Variants in GLI3 observed in about 807,000 individuals in gnomAD.
GLI3 encodes the protein GLI family zinc finger 3, also known as transcription activator GLI3.
In GLI3, 20 loss-of-function variants were observed where a neutral mutation model predicts 100.8. The ratio of observed to expected loss-of-function variants is 0.20; its 90% CI spans 0.14 to 0.29. The LOEUF (loss-of-function observed/expected upper bound fraction) is 0.29. Ranked by LOEUF, GLI3 falls within the 10% of genes least tolerant of loss-of-function variation. GLI3 has a pLI of 1.00. For synonymous variants in GLI3, 938 were observed against 860.5 expected, an observed-to-expected ratio of 1.09 and a Z score of -1.58; for missense variants, 2,040 against 2,128.5, an observed-to-expected ratio of 0.96 and a Z score of 0.82.
chr7:42,038,512 C>G (rs1459474810), intron 7 of GLI3, among the ~76,000 whole-genome samples: 1 of 152,182 alleles, frequency 6.6e-6, no homozygotes, highest in Non-Finnish European at 1.5e-5. Flanking sequence ...GGTGGCAAAG[C>G]TGGAATCTGA....
At chr7:42,165,820 T>A (rs1787229214) in intron 2 of GLI3, among the ~76,000 whole-genome samples, 1 of 152,198 alleles carries the variant, frequency 6.6e-6, no homozygotes, top group Admixed American at 6.5e-5. Context: ...TAGAATCTAG[T>A]CTTGCAAACA....
At position 41,972,083 on chromosome 7, in the gene GLI3, T is replaced by A. The variant is rs751966273; in HGVS notation, c.2103+254A>T. 6.6e-6 allele frequency among the ~76,000 whole-genome samples: 1 copy of A among 152,184 alleles called. No individual in the cohort carries two copies. The highest frequency in any genetic ancestry group is 1.5e-5 in the Non-Finnish European group (1 of 68,026). ...ACAGACACGCTGGAGAGACAGACAGTCGTGTCTTTCTTCCTTCCATGGCAC... is the reference window on the plus strand; with the variant it reads ...ACAGACACGCTGGAGAGACAGACAGACGTGTCTTTCTTCCTTCCATGGCAC... On this transcript the variant is annotated intron_variant, in intron 13 of 14. Coordinates refer to ENST00000395925, the MANE Select transcript of GLI3 (RefSeq NM_000168.6). This position sits in a 1 kb window ranked among gnomAD's most constrained non-coding sequence, Gnocchi z 4.4.
chr7:42,004,232 C>A (rs934141202), intron 10 of GLI3, among the ~76,000 whole-genome samples: 12 of 152,122 alleles, frequency 7.9e-5, no homozygotes, highest in African/African-American at 2.7e-4. Flanking sequence ...TGTTATACAA[C>A]CAACACAATT....
chr7:42,080,608 T>A (rs1012136), intron 3 of GLI3, among the ~76,000 whole-genome samples: 133,833 of 152,188 alleles, frequency 0.88, 58,901 homozygotes, highest in East Asian at 0.99. Context: ...ACAATGGAAC[T>A]CCCCTCTTCC....
chr7:42,108,548 C>G (rs1429457157), intron 3 of GLI3, among the ~76,000 whole-genome samples: 1 of 152,126 alleles, frequency 6.6e-6, no homozygotes, highest in Non-Finnish European at 1.5e-5. Context: ...TATTTCTGTC[C>G]TTTGTGCAGT....
intron 2 of GLI3, among the ~76,000 whole-genome samples, chr7:42,191,462 GACCA>G (rs1490943594): frequency 1.3e-5 from 2 of 152,046 alleles, no homozygotes; most frequent in African/African-American, 4.8e-5. Context: ...AGGCCAGCCT[GACCA>G]ACATGGAGAA....
intron 7 of GLI3, among the ~76,000 whole-genome samples, chr7:42,030,059 A>G (rs963306597): frequency 2.0e-5 from 3 of 152,120 alleles, no homozygotes; most frequent in African/African-American, 7.2e-5. Context: ...ATTACCTTAC[A>G]GTTCTGGAAG....
At chr7:42,205,701 T>A (rs770183080) in intron 2 of GLI3, among the ~76,000 whole-genome samples, 2 of 152,166 alleles carry the variant, frequency 1.3e-5, no homozygotes, top group African/African-American at 4.8e-5. Context: ...CATGTTAAAG[T>A]ATAAAAGGTG....
intron 2 of GLI3, among the ~76,000 whole-genome samples, chr7:42,190,403 T>C (rs1001850586): frequency 6.6e-6 from 1 of 152,126 alleles, no homozygotes; most frequent in African/African-American, 2.4e-5. Context: ...GAAAGAGTTG[T>C]TTGCTTTTTA....
At chr7:41,978,132 C>A (rs567188880) in intron 11 of GLI3, among the ~76,000 whole-genome samples, 1 of 152,340 alleles carries the variant, frequency 6.6e-6, no homozygotes, top group South Asian at 2.1e-4. Flanking sequence ...GCTCAGCGTG[C>A]CCAGTGCGCC....
At chr7:42,189,785 C>G (rs1204826326) in intron 2 of GLI3, among the ~76,000 whole-genome samples, 1 of 152,138 alleles carries the variant, frequency 6.6e-6, no homozygotes, top group Non-Finnish European at 1.5e-5. Context: ...CTCTCTTCCT[C>G]TCTGCTGATT....
chr7:42,228,966 C>T (rs111830356), intron 1 of GLI3, among the ~76,000 whole-genome samples: 1 of 152,232 alleles, frequency 6.6e-6, no homozygotes, highest in African/African-American at 2.4e-5. Flanking sequence ...AAAAAATTAG[C>T]TTTTCTCCTT....
chr7:41,966,084 C>A lies in GLI3; in HGVS notation c.2989G>T (p.Ala997Ser). Residue 997 changes from alanine to serine, a missense_variant, in exon 15 of 15, where the codon GCG becomes TCG. This residue lies in a region of GLI3 where 1,041 missense variants were observed against 924.0 expected (regional missense o/e 1.13). Transcript: ENST00000395925. The surrounding 1 kb of genome is among the most constrained non-coding windows in gnomAD (Gnocchi z 5.8). Reference sequence around the variant, plus strand: ...GCCCTCCTCACGCCGTGGCCCGGCGCATCGTGCGGCTGCAGGTGGCGCCGC... The same window carrying A: ...GCCCTCCTCACGCCGTGGCCCGGCGAATCGTGCGGCTGCAGGTGGCGCCGC... The part of the protein sequence containing the change: ...YGRRHLQPHD[A>S]PGHGVRRASD... The A allele has an allele frequency of 6.4e-7, 1 of 1,569,150 alleles. No individual in the cohort carries two copies. The highest frequency in any genetic ancestry group is 8.6e-7 in the Non-Finnish European group (1 of 1,163,646).
intron 6 of GLI3, 78 bp from the exon 7 acceptor site, chr7:42,040,317 GGAAGAAGTGAAGGATAAGAAGCT>G (rs1313058598): frequency 4.3e-5 from 47 of 1,085,376 alleles, no homozygotes; most frequent in African/African-American, 1.5e-5. Flanking sequence ...TTGCCTACGT[GGAAGAAGTGAAGGATAAGAAGCT>G]GGCAACTTGC....
At chr7:42,174,155 T>C (rs1787433129) in intron 2 of GLI3, among the ~76,000 whole-genome samples, 1 of 152,060 alleles carries the variant, frequency 6.6e-6, no homozygotes, top group Non-Finnish European at 1.5e-5. Context: ...AGATAAAACA[T>C]AAATGTTATA....
chr7:42,134,230 C>T (rs1786369757), intron 3 of GLI3, among the ~76,000 whole-genome samples: 1 of 152,170 alleles, frequency 6.6e-6, no homozygotes, highest in African/African-American at 2.4e-5. Flanking sequence ...CACAGTCCAG[C>T]AGTCTGATGT....
At chr7:41,989,143 T>A (rs1787910194) in intron 10 of GLI3, among the ~76,000 whole-genome samples, 1 of 152,184 alleles carries the variant, frequency 6.6e-6, no homozygotes, top group Admixed American at 6.5e-5. Context: ...AGGGGCTTAA[T>A]TACCAAAAAG....
chr7:41,987,668 CT>C (rs1369196133), intron 10 of GLI3, among the ~76,000 whole-genome samples: 1 of 152,134 alleles, frequency 6.6e-6, no homozygotes. Context: ...ACATCATACG[CT>C]AACATCAGTT....
At chr7:42,110,985 T>A (rs1352670841) in intron 3 of GLI3, among the ~76,000 whole-genome samples, 1 of 152,146 alleles carries the variant, frequency 6.6e-6, no homozygotes, top group African/African-American at 2.4e-5. Flanking sequence ...TGGGTTTGAA[T>A]CCCAACTCTA....
Sources: gnomAD v4.1 joint callset for allele counts (sites outside exome capture counted in the v4.1 genomes callset) on GRCh38, gnomAD v4.1.1 for gene constraint, gnomAD v4.1.1 regional missense constraint, Gnocchi (gnomAD v3.1) non-coding constraint, MANE v1.5 for transcripts, NCBI Gene and HGNC (gene_info 2026-07-23, HGNC 2026-07-21) for gene names.